Variants in PLCB4 observed in about 807,000 individuals in gnomAD.
PLCB4 encodes the protein 1-phosphatidylinositol 4,5-bisphosphate phosphodiesterase beta-4.
A neutral mutation model predicts 178.8 loss-of-function variants in PLCB4; 77 were observed. That is an observed-to-expected ratio of 0.43 (90% confidence interval 0.36 to 0.52). The LOEUF is 0.52. Among genes scored for constraint, PLCB4 ranks in the 20% least tolerant of loss-of-function variants. The pLI is 0.00. For synonymous variants in PLCB4, 496 were observed against 490.8 expected, an observed-to-expected ratio of 1.01 and a Z score of -0.14; for missense variants, 1,024 against 1,453.4, an observed-to-expected ratio of 0.70 and a Z score of 4.80.
intron 1 of PLCB4, among the ~76,000 whole-genome samples, chr20:9,074,227 A>G (rs976741934): frequency 1.3e-5 from 2 of 152,306 alleles, no homozygotes; most frequent in African/African-American, 4.8e-5. Context: ...ATGGGGCAAA[A>G]GTGCTTGGTG....
intron 2 of PLCB4, among the ~76,000 whole-genome samples, chr20:9,214,695 G>A (rs764530594): frequency 6.6e-6 from 1 of 151,978 alleles, no homozygotes; most frequent in Non-Finnish European, 1.5e-5. Flanking sequence ...GAAAGGAAAA[G>A]TTGGTATGCT....
Position 9,444,034 on chromosome 20 carries a change from A to G in PLCB4, c.2814+4A>G. ...AGAAGACTTAAAGCAGATGAAGGTAAAATTGCTTGACTATTTTGCAAGCAC... is the reference window on the plus strand; with the variant it reads ...AGAAGACTTAAAGCAGATGAAGGTAGAATTGCTTGACTATTTTGCAAGCAC... On this transcript the variant is annotated splice_donor_region_variant and intron_variant, in intron 31 of 39. Coordinates refer to ENST00000378473, the MANE Select transcript of PLCB4 (RefSeq NM_001377142.1). 6.3e-7 allele frequency: 1 copy of G among 1,597,604 alleles called. No individual in the cohort carries two copies.
chr20:9,198,928 C>T (rs1020838430), intron 2 of PLCB4, among the ~76,000 whole-genome samples: 1 of 152,046 alleles, frequency 6.6e-6, no homozygotes, highest in Admixed American at 6.5e-5. Context: ...TAGTAGAGGG[C>T]TATTTTGACT....
At chr20:9,420,039 C>T (rs2040517898) in intron 26 of PLCB4, 130 bp downstream of exon 26, 1 of 517,194 alleles carries the variant, frequency 1.9e-6, no homozygotes, top group Admixed American at 3.2e-5. Flanking sequence ...AGATTCCACC[C>T]CCTTTTTAAA....
chr20:9,373,057 A>G lies in PLCB4; in HGVS notation c.697A>G (p.Lys233Glu). The G allele has an allele frequency of 6.6e-7, 1 of 1,514,076 alleles. No individual in the cohort carries two copies. The highest frequency in any genetic ancestry group is 9.2e-7 in the Non-Finnish European group (1 of 1,091,032). 93.8% of individuals were successfully genotyped at this position (1,514,076 alleles called of 1,614,324 possible). A position where few individuals can be genotyped will look rare whatever the true frequency, so the allele number is the denominator to read the frequency against. ...EDLFKKINGDKTDYLTVDQLV... is the reference protein window; with the variant it reads ...EDLFKKINGDETDYLTVDQLV... The stretch of plus-strand genomic sequence containing the variant: ...TAAATTTCTTTTCAGCAATGGAGAC[A>G]AAACTGATTATTTAACGGTAGACCA... The change falls in exon 12 of 40, where the codon AAA (lysine) becomes GAA (glutamate). Residue 233 changes from lysine (K) to glutamate (E), a missense_variant. Coordinates refer to ENST00000378473, the MANE Select transcript of PLCB4 (RefSeq NM_001377142.1).
At chr20:9,083,938 A>G (rs756577833) in intron 1 of PLCB4, among the ~76,000 whole-genome samples, 1 of 152,214 alleles carries the variant, frequency 6.6e-6, no homozygotes, top group African/African-American at 2.4e-5. Context: ...AGTCTATGGT[A>G]TTTAGTTATG....
At chr20:9,381,655 A>G (rs1194560967) in intron 13 of PLCB4, among the ~76,000 whole-genome samples, 1 of 152,206 alleles carries the variant, frequency 6.6e-6, no homozygotes, top group African/African-American at 2.4e-5. Context: ...TTCACAAGTG[A>G]TGGAAATTTT....
chr20:9,462,756 A>G (rs752993615), intron 35 of PLCB4, among the ~76,000 whole-genome samples: 7 of 152,196 alleles, frequency 4.6e-5, no homozygotes, highest in Non-Finnish European at 1.0e-4. Flanking sequence ...TCCAAGAAAT[A>G]TGGGACTATG....
chr20:9,130,142 G>C (rs951259012), intron 2 of PLCB4, among the ~76,000 whole-genome samples: 1 of 152,162 alleles, frequency 6.6e-6, no homozygotes, highest in African/African-American at 2.4e-5. Context: ...AGTCAGAGCT[G>C]TGCTTCAGTG....
At chr20:9,375,071 G>A (rs541470690) in intron 12 of PLCB4, among the ~76,000 whole-genome samples, 65 of 152,184 alleles carry the variant, frequency 4.3e-4, no homozygotes, top group Non-Finnish European at 7.2e-4. Context: ...AAAGTCTATA[G>A]CCTTTATTTT....
chr20:9,147,505 C>T (rs565532699), intron 2 of PLCB4, among the ~76,000 whole-genome samples: 5 of 152,160 alleles, frequency 3.3e-5, no homozygotes, highest in South Asian at 2.1e-4. Context: ...TGATCTCATT[C>T]ATGTGTCTGT....
At chr20:9,118,178 G>A (rs1210201461) in intron 2 of PLCB4, among the ~76,000 whole-genome samples, 2 of 149,682 alleles carry the variant, frequency 1.3e-5, no homozygotes, top group South Asian at 2.1e-4. Flanking sequence ...CCACTAACTC[G>A]TCATCTAGCA....
Position 9,434,656 on chromosome 20 carries a change from G to A in PLCB4, c.2525-904G>A, listed in dbSNP as rs142637076. On this transcript the variant is annotated intron_variant, in intron 28 of 39. Transcript: ENST00000378473. ...TTCCCAAAGTACTGGGATTACCGGCGTGAGCTACTGCGTCCGGCCAACCAT... is the reference window on the plus strand; with the variant it reads ...TTCCCAAAGTACTGGGATTACCGGCATGAGCTACTGCGTCCGGCCAACCAT... 9.5e-4 allele frequency among the ~76,000 whole-genome samples: 144 copies of A among 152,228 alleles called. No individual in the cohort carries two copies. The Middle Eastern group carries it at 0.027, about 29-fold the overall frequency.
At chr20:9,456,832 T>C (rs2043086617) in intron 33 of PLCB4, among the ~76,000 whole-genome samples, 1 of 152,226 alleles carries the variant, frequency 6.6e-6, no homozygotes, top group Non-Finnish European at 1.5e-5. Flanking sequence ...GCTCAGGACC[T>C]GTTCTTGTTT....
intron 2 of PLCB4, among the ~76,000 whole-genome samples, chr20:9,190,386 A>T (rs1451822761): frequency 6.6e-6 from 1 of 152,072 alleles, no homozygotes; most frequent in Non-Finnish European, 1.5e-5. Context: ...CTTCCCTCAC[A>T]CTTCTCTCTC....
intron 19 of PLCB4, among the ~76,000 whole-genome samples, chr20:9,399,000 T>C (rs2038823524): frequency 6.6e-6 from 1 of 152,204 alleles, no homozygotes; most frequent in Admixed American, 6.5e-5. Context: ...CAAAAATACT[T>C]TTTTAAAAAG....
chr20:9,248,121 A>G (rs768440619), intron 3 of PLCB4, among the ~76,000 whole-genome samples: 23 of 152,054 alleles, frequency 1.5e-4, no homozygotes, highest in Admixed American at 3.3e-4. Flanking sequence ...ATGAATGTTT[A>G]TATTACATAT....
At chr20:9,070,975 G>T (rs893789104) in intron 1 of PLCB4, among the ~76,000 whole-genome samples, 13 of 152,154 alleles carry the variant, frequency 8.5e-5, no homozygotes, top group African/African-American at 2.9e-4. Context: ...TTTTGCAAAT[G>T]CATACCCACG....
chr20:9,116,289 T>C (rs1172701587), intron 2 of PLCB4, among the ~76,000 whole-genome samples: 1 of 152,116 alleles, frequency 6.6e-6, no homozygotes. Context: ...CTATTTTTCT[T>C]TTCTGTTTAT....
Sources: gnomAD v4.1 joint callset for allele counts (sites outside exome capture counted in the v4.1 genomes callset) on GRCh38, gnomAD v4.1.1 for gene constraint, MANE v1.5 for transcripts, NCBI Gene and HGNC (gene_info 2026-07-23, HGNC 2026-07-21) for gene names.